ZNF420: variants seen among roughly 807,000 people sequenced by gnomAD.
ZNF420 encodes ATM and p53-associated KZNF protein.
A neutral mutation model predicts 44.7 loss-of-function variants in ZNF420; 31 were observed. The ratio of observed to expected loss-of-function variants is 0.69; its 90% CI spans 0.52 to 0.94. ZNF420 has a LOEUF of 0.94. Ranked by LOEUF, ZNF420 falls within the 40% of genes least tolerant of loss-of-function variation. The probability of loss-of-function intolerance (pLI) is 0.00; values close to 1 mark genes in which losing one functional copy is unlikely to be tolerated. For synonymous variants in ZNF420, 245 were observed against 267.4 expected (o/e 0.92, Z 0.82); for missense variants, 681 against 827.9 (o/e 0.82, Z 2.18).
intron 1 of ZNF420, among the ~76,000 whole-genome samples, chr19:37,065,370 C>A (rs954136448): frequency 6.6e-6 from 1 of 152,248 alleles, no homozygotes; most frequent in African/African-American, 2.4e-5. Context: ...GTCAGACATG[C>A]AAGCCCTGCC....
At chr19:37,054,164 T>A (rs918385087) in intron 1 of ZNF420, among the ~76,000 whole-genome samples, 5 of 152,228 alleles carry the variant, frequency 3.3e-5, no homozygotes, top group Non-Finnish European at 7.3e-5. Context: ...GAGCCAGGCA[T>A]GGGATATAAT....
chr19:37,082,247 C>T (rs1354516130), intron 2 of ZNF420, among the ~76,000 whole-genome samples: 1 of 152,172 alleles, frequency 6.6e-6, no homozygotes, highest in Non-Finnish European at 1.5e-5. Context: ...ACTGCAACCT[C>T]TGCCTCCTGT....
chr19:37,089,935 T>C (rs928694089), intron 3 of ZNF420, among the ~76,000 whole-genome samples: 2 of 152,200 alleles, frequency 1.3e-5, no homozygotes, highest in African/African-American at 4.8e-5. Context: ...AAGGAAAATG[T>C]TTATGATATA....
At chr19:37,066,493 T>C (rs1252278969) in intron 1 of ZNF420, among the ~76,000 whole-genome samples, 2 of 151,800 alleles carry the variant, frequency 1.3e-5, no homozygotes, top group Non-Finnish European at 1.5e-5. Context: ...CAATTAAAGA[T>C]GGGCAAAAAT....
intron 1 of ZNF420, among the ~76,000 whole-genome samples, chr19:37,010,199 C>T (rs1316758163): frequency 6.6e-6 from 1 of 152,196 alleles, no homozygotes; most frequent in Non-Finnish European, 1.5e-5. Context: ...CTCCGAGACT[C>T]CGGCCTGACC....
chr19:37,020,380 T>A (rs1283358304), intron 1 of ZNF420, among the ~76,000 whole-genome samples: 1 of 151,764 alleles, frequency 6.6e-6, no homozygotes, highest in African/African-American at 2.4e-5. Flanking sequence ...AACAGAAACA[T>A]TGCAGCCCCA....
chr19:37,044,428 G>T (rs1401401783), intron 1 of ZNF420, among the ~76,000 whole-genome samples: 1 of 152,222 alleles, frequency 6.6e-6, no homozygotes, highest in Non-Finnish European at 1.5e-5. Context: ...CTGAGAGCTG[G>T]AAGGACCCTT....
intron 4 of ZNF420, among the ~76,000 whole-genome samples, chr19:37,101,542 G>T (rs1203804517): frequency 6.6e-6 from 1 of 152,222 alleles, no homozygotes; most frequent in African/African-American, 2.4e-5. Flanking sequence ...AGCTTTGTTT[G>T]TGCCCATCCT....
chr19:37,032,510 A>G (rs1967280841), intron 1 of ZNF420, among the ~76,000 whole-genome samples: 1 of 151,032 alleles, frequency 6.6e-6, no homozygotes, highest in Admixed American at 6.6e-5. Flanking sequence ...TCTTTAAGAA[A>G]AAAAAAAAAA....
chr19:37,102,193 C>T (rs1969819584), intron 4 of ZNF420, among the ~76,000 whole-genome samples: 2 of 152,154 alleles, frequency 1.3e-5, no homozygotes, highest in African/African-American at 2.4e-5. Flanking sequence ...CGTGTCTACA[C>T]GGAGGGGATA....
rs1259195685 is a variant in ZNF420, at chr19:37,128,051, C to G, written c.1060C>G (p.Gln354Glu). ...TCGGGGCTCACTACTGATGCAACAT[C>G]AGAGGATTCATACTGGTGAAAAACC... ...FIRGSLLMQHQRIHTGEKPYK... is the reference protein window; with the variant it reads ...FIRGSLLMQHERIHTGEKPYK... The change falls in exon 5 of 5, where the codon CAG becomes GAG. Residue 354 changes from glutamine (Q) to glutamate (E), a missense_variant. Transcript: ENST00000337995. 9 of 1,613,760 alleles carry G rather than the reference C, an allele frequency of 5.6e-6. No individual in the cohort carries two copies. The highest frequency in any genetic ancestry group is 7.6e-6 in the Non-Finnish European group (9 of 1,179,936).
chr19:37,073,043 TA>T (rs1263895513), intron 1 of ZNF420, among the ~76,000 whole-genome samples: 3 of 152,166 alleles, frequency 2.0e-5, no homozygotes, highest in Admixed American at 1.3e-4. Flanking sequence ...CTGGTGGTTT[TA>T]AAAGTTTTCT....
intron 4 of ZNF420, among the ~76,000 whole-genome samples, chr19:37,121,827 C>G (rs1971061059): frequency 6.6e-6 from 1 of 152,166 alleles, no homozygotes; most frequent in Admixed American, 6.5e-5. Context: ...AGACACTTCT[C>G]AAAAGAAGAC....
intron 1 of ZNF420, among the ~76,000 whole-genome samples, chr19:37,065,259 T>G (rs2891765): frequency 0.52 from 79,253 of 151,656 alleles, 21,408 homozygotes; most frequent in African/African-American, 0.63. Flanking sequence ...TGGTGCATGA[T>G]GGTAGGCTTC....
chr19:37,123,743 C>G (rs1302042071), intron 4 of ZNF420, among the ~76,000 whole-genome samples: 1 of 151,520 alleles, frequency 6.6e-6, no homozygotes, highest in Non-Finnish European at 1.5e-5. Context: ...GCTGGGACTA[C>G]AGGCGTGTGC....
chr19:37,055,803 A>G (rs1168157453), intron 1 of ZNF420, among the ~76,000 whole-genome samples: 1 of 152,176 alleles, frequency 6.6e-6, no homozygotes, highest in Non-Finnish European at 1.5e-5. Context: ...GGCAAACAGG[A>G]TGAAGAAACA....
At chr19:37,124,170 T>C (rs557692490) in intron 4 of ZNF420, among the ~76,000 whole-genome samples, 1 of 152,330 alleles carries the variant, frequency 6.6e-6, no homozygotes, top group African/African-American at 2.4e-5. Flanking sequence ...TTGTCAAGAA[T>C]GTCATATAAA....
chr19:37,070,109 T>C (rs969555361), intron 1 of ZNF420, among the ~76,000 whole-genome samples: 5 of 151,948 alleles, frequency 3.3e-5, no homozygotes, highest in Non-Finnish European at 7.4e-5. Flanking sequence ...TCCCAACATA[T>C]GTGACACATA....
chr19:37,091,205 T>A, intron 4 of ZNF420, 84 bp downstream of exon 4: 1 of 1,313,334 alleles, frequency 7.6e-7, no homozygotes, highest in Non-Finnish European at 1.0e-6. Context: ...CCTTTTTAAG[T>A]AATTAACTGA....
Sources: gnomAD v4.1 joint callset for allele counts (sites outside exome capture counted in the v4.1 genomes callset) on GRCh38, gnomAD v4.1.1 for gene constraint, MANE v1.5 for transcripts, NCBI Gene and HGNC (gene_info 2026-07-23, HGNC 2026-07-21) for gene names.